ESRRG: variants seen among roughly 807,000 people sequenced by gnomAD.
ESRRG encodes estrogen related receptor gamma, also known as estrogen-related receptor gamma.
Under a neutral mutation model 44.0 loss-of-function variants are expected in ESRRG, and 13 were observed. The ratio of observed to expected loss-of-function variants is 0.30; its 90% confidence interval spans 0.19 to 0.47. The LOEUF is 0.47. ESRRG is among the 20% of genes least tolerant of loss of function. ESRRG has a pLI of 1.00. For missense variants in ESRRG, 395 were observed against 580.6 expected (o/e 0.68, Z 3.29); for synonymous variants, 215 against 214.6 (o/e 1.00, Z -0.02).
chr1:216,929,262 GCTTCCTTC>G (rs796593670), intron 2 of ESRRG, among the ~76,000 whole-genome samples: 21 of 151,830 alleles, frequency 1.4e-4, no homozygotes, highest in East Asian at 9.7e-4. Flanking sequence ...TTCCTTCCTT[GCTTCCTTC>G]CTTCCTTCCT....
intron 6 of ESRRG, among the ~76,000 whole-genome samples, chr1:216,518,107 CA>C (rs761778919): frequency 5.3e-5 from 8 of 152,156 alleles, no homozygotes; most frequent in Non-Finnish European, 8.8e-5. Flanking sequence ...CGCCAAATCA[CA>C]AAGTCGTCAT....
chr1:216,848,776 A>G (rs1421669519), intron 2 of ESRRG, among the ~76,000 whole-genome samples: 2 of 152,110 alleles, frequency 1.3e-5, no homozygotes, highest in East Asian at 3.9e-4. Flanking sequence ...CCTCTGGAAC[A>G]TTCTATCAGC....
intron 2 of ESRRG, among the ~76,000 whole-genome samples, chr1:216,877,400 TG>T (rs2096374221): frequency 6.6e-6 from 1 of 150,414 alleles, no homozygotes; most frequent in East Asian, 2.0e-4. Flanking sequence ...TTTGTTTGTT[TG>T]TTTGTTTGTT....
chr1:216,560,786 C>A (rs2058574441), intron 5 of ESRRG, among the ~76,000 whole-genome samples: 1 of 152,170 alleles, frequency 6.6e-6, no homozygotes, highest in African/African-American at 2.4e-5. Flanking sequence ...CGACAGCGTT[C>A]CATTTTACAG....
At chr1:217,124,270 T>A (rs2092861204) in intron 1 of ESRRG, among the ~76,000 whole-genome samples, 1 of 152,126 alleles carries the variant, frequency 6.6e-6, no homozygotes, top group African/African-American at 2.4e-5. Context: ...AAATAAACAT[T>A]TATTCCACAA....
intron 2 of ESRRG, among the ~76,000 whole-genome samples, chr1:216,938,121 G>C (rs1179005950): frequency 6.6e-6 from 1 of 152,082 alleles, no homozygotes; most frequent in Non-Finnish European, 1.5e-5. Flanking sequence ...TGAGCATGTA[G>C]CTATTGATTT....
chr1:216,678,417 A>G (rs921793346), intron 1 of ESRRG, among the ~76,000 whole-genome samples: 3 of 152,214 alleles, frequency 2.0e-5, no homozygotes, highest in African/African-American at 7.2e-5. Context: ...TACATTCAGT[A>G]AAGTAGAAAT....
intron 1 of ESRRG, among the ~76,000 whole-genome samples, chr1:216,973,891 A>G (rs1048232623): frequency 1.3e-5 from 2 of 151,966 alleles, no homozygotes; most frequent in Non-Finnish European, 2.9e-5. Flanking sequence ...TCTAGCTACT[A>G]TAACAGCATT....
rs145571213 is a variant in ESRRG, at chr1:216,640,869, C to T, written c.589+10104G>A. ...GTTTGAAGGCTGGTGGGGAAAAAAT[C>T]CACATTAAACAGAGTCCTATATGGT... On this transcript the variant is annotated intron_variant, in intron 3 of 6. Transcript: ENST00000408911. 2.2e-3 allele frequency among the ~76,000 whole-genome samples: 339 copies of T among 152,210 alleles called. 2 individuals are homozygous for T. The highest frequency in any genetic ancestry group is 8.0e-3 in the African/African-American group (331 of 41,528).
chr1:216,864,048 G>A (rs1260998561), intron 2 of ESRRG: 1 of 152,156 alleles, frequency 6.6e-6, no homozygotes, highest in Non-Finnish European at 1.5e-5. Context: ...AGGAGTCAGA[G>A]GTCACCAAAG....
At chr1:217,060,336 T>C (rs1465130074) in intron 1 of ESRRG, among the ~76,000 whole-genome samples, 2 of 152,136 alleles carry the variant, frequency 1.3e-5, no homozygotes, top group African/African-American at 4.8e-5. Flanking sequence ...AAATCATGAT[T>C]GAAGTCATAT....
At chr1:216,913,111 C>CAAAAAAAAAAAA (rs36067159) in intron 2 of ESRRG, among the ~76,000 whole-genome samples, 1 of 62,812 alleles carries the variant, frequency 1.6e-5, no homozygotes, top group Non-Finnish European at 3.5e-5. Flanking sequence ...GACTCTGTCT[C>CAAAAAAAAAAAA]AAAAAAAAAA....
chr1:216,661,617 G>GA lies in ESRRG; in HGVS notation c.473-10529dup, dbSNP rs140904128. Reference sequence around the variant, plus strand: ...GATACCCTATATGATAAAAGCAGTTGATTCTTAAATAGAAATTTTACTTCT... The same window carrying GA: ...GATACCCTATATGATAAAAGCAGTTGAATTCTTAAATAGAAATTTTACTTCT... On this transcript the variant is annotated intron_variant, in intron 2 of 6. Coordinates refer to ENST00000408911, the MANE Select transcript of ESRRG (RefSeq NM_001438.4). 8.2e-3 allele frequency among the ~76,000 whole-genome samples: 1,247 copies of GA among 152,258 alleles called. 12 individuals carry two copies. The highest frequency in any genetic ancestry group is 0.017 in the Middle Eastern group (5 of 294).
At chr1:216,658,668 A>C (rs1474938991) in intron 2 of ESRRG, among the ~76,000 whole-genome samples, 1 of 4,266 alleles carries the variant, frequency 2.3e-4, no homozygotes, top group Non-Finnish European at 7.0e-4. Flanking sequence ...TAAAAATACA[A>C]AAAAAAAAAA....
At chr1:217,108,542 A>T (rs1350681649) in intron 1 of ESRRG, among the ~76,000 whole-genome samples, 1 of 152,076 alleles carries the variant, frequency 6.6e-6, no homozygotes. Context: ...TGATTGGATC[A>T]TGGAGGCAGA....
intron 1 of ESRRG, among the ~76,000 whole-genome samples, chr1:216,698,957 T>G (rs1481758341): frequency 6.6e-6 from 1 of 152,208 alleles, no homozygotes; most frequent in African/African-American, 2.4e-5. Context: ...CAGTTCAGGT[T>G]ATAATGCTGA....
chr1:216,730,159 A>G (rs1448958191), intron 2 of ESRRG, among the ~76,000 whole-genome samples: 1 of 152,102 alleles, frequency 6.6e-6, no homozygotes, highest in Non-Finnish European at 1.5e-5. Context: ...AATTGTTGAC[A>G]CTATACTAGC....
chr1:216,602,390 AG>A (rs2059368603), intron 3 of ESRRG, among the ~76,000 whole-genome samples: 1 of 152,230 alleles, frequency 6.6e-6, no homozygotes, highest in Non-Finnish European at 1.5e-5. Flanking sequence ...TTGTTTGTGA[AG>A]GCAAAGATTC....
chr1:216,972,317 G>A (rs2071855245), intron 1 of ESRRG, among the ~76,000 whole-genome samples: 1 of 152,268 alleles, frequency 6.6e-6, no homozygotes, highest in African/African-American at 2.4e-5. Context: ...TCCTATCTTA[G>A]TAACTCAGGA....
Sources: gnomAD v4.1 joint callset for allele counts (sites outside exome capture counted in the v4.1 genomes callset) on GRCh38, gnomAD v4.1.1 for gene constraint, MANE v1.5 for transcripts, NCBI Gene and HGNC (gene_info 2026-07-23, HGNC 2026-07-21) for gene names.